PDE10A: variants seen among roughly 807,000 people sequenced by gnomAD.
PDE10A encodes the protein cAMP and cAMP-inhibited cGMP 3',5'-cyclic phosphodiesterase 10A.
In PDE10A, 39 loss-of-function variants were observed where a neutral mutation model predicts 97.7. That is an observed-to-expected ratio of 0.40 (90% CI 0.31 to 0.52). PDE10A has a LOEUF of 0.52. Ranked by LOEUF, PDE10A falls within the 20% of genes least tolerant of loss-of-function variation. PDE10A has a pLI of 0.56. For missense variants in PDE10A, 731 were observed against 1,047.8 expected (o/e 0.70, Z 4.17); for synonymous variants, 371 against 376.8 (o/e 0.98, Z 0.18).
intron 18 of PDE10A, among the ~76,000 whole-genome samples, chr6:165,364,884 A>G (rs1783666509): frequency 6.6e-6 from 1 of 152,160 alleles, no homozygotes; most frequent in South Asian, 2.1e-4. Flanking sequence ...CAAGGAAACA[A>G]AAGCAGAAAT....
chr6:165,440,545 T>C (rs952106083), intron 5 of PDE10A, among the ~76,000 whole-genome samples: 4 of 152,196 alleles, frequency 2.6e-5, no homozygotes, highest in Non-Finnish European at 5.9e-5. Context: ...AACTTTGGAA[T>C]GGGAGCCTAG....
intron 1 of PDE10A, among the ~76,000 whole-genome samples, chr6:165,640,432 G>C (rs1354159661): frequency 6.6e-6 from 1 of 152,126 alleles, no homozygotes; most frequent in Non-Finnish European, 1.5e-5. Context: ...TACTTTATCA[G>C]CAAGATTACA....
At chr6:165,636,788 T>A (rs1788899994) in intron 1 of PDE10A, among the ~76,000 whole-genome samples, 1 of 152,216 alleles carries the variant, frequency 6.6e-6, no homozygotes, top group Admixed American at 6.5e-5. Flanking sequence ...TTTGCTTGTG[T>A]CAGGCATCTT....
At chr6:165,659,864 C>T (rs1160062932) in intron 1 of PDE10A, among the ~76,000 whole-genome samples, 2 of 152,186 alleles carry the variant, frequency 1.3e-5, no homozygotes, top group Non-Finnish European at 2.9e-5. Context: ...ATCTTTCTTC[C>T]CCTCCACAAC....
chr6:165,967,548 T>C (rs1562332962), intron 1 of PDE10A, among the ~76,000 whole-genome samples: 1 of 152,218 alleles, frequency 6.6e-6, no homozygotes, highest in Non-Finnish European at 1.5e-5. Flanking sequence ...CATTCGTATC[T>C]ATGGTTTTTT....
rs186216955 is a variant in PDE10A at position 165,487,223 on chromosome 6, G to T, written c.995-4880C>A. 3.6e-3 allele frequency among the ~76,000 whole-genome samples: 550 copies of T among 152,292 alleles called. 5 individuals carry two copies. Among genetic ancestry groups the T allele is most frequent in the African/African-American group, 0.013 (520 of 41,562 alleles). On this transcript the variant is annotated intron_variant, in intron 2 of 21. Transcript: ENST00000539869. The stretch of plus-strand genomic sequence containing the variant: ...AGAATATCCTGAGGTTGCCACAAAA[G>T]CACTGAAAAGCCTGCTTCCGTGTCC...
At chr6:165,954,287 G>T (rs942567633) in intron 1 of PDE10A, among the ~76,000 whole-genome samples, 3 of 152,180 alleles carry the variant, frequency 2.0e-5, no homozygotes, top group African/African-American at 7.2e-5. Context: ...AGTAGATGGT[G>T]CTTCTGACAT....
In PDE10A at chr6:165,332,060, T is replaced by A. The variant is rs1781372781; in HGVS notation, c.*965A>T. 1 of 152,220 alleles carries A rather than the reference T, an allele frequency of 6.6e-6. No homozygotes were observed. Among genetic ancestry groups the A allele is most frequent in the African/African-American group, 2.4e-5 (1 of 41,462 alleles). The allele number at this position is 152,220 out of a possible 1,614,324, so 9.4% of individuals were successfully genotyped here. A position where few individuals can be genotyped will look rare whatever the true frequency, so the allele number is the denominator to read the frequency against. On this transcript the variant is annotated 3_prime_UTR_variant, in exon 22 of 22. Transcript: ENST00000539869. ...ACTGTATGGTATTTTAATTAAACAA[T>A]GTTTAAAATAAACTTTTCATTGTGA...
chr6:165,758,895 T>C (rs1243507314), intron 1 of PDE10A, among the ~76,000 whole-genome samples: 1 of 152,244 alleles, frequency 6.6e-6, no homozygotes, highest in African/African-American at 2.4e-5. Context: ...CTTCTCCTTA[T>C]CACATTGTGA....
At chr6:165,615,344 C>T (rs1466522597) in intron 1 of PDE10A, among the ~76,000 whole-genome samples, 1 of 152,068 alleles carries the variant, frequency 6.6e-6, no homozygotes, top group Admixed American at 6.5e-5. Flanking sequence ...TATGTACATC[C>T]TATCAATTTC....
intron 5 of PDE10A, among the ~76,000 whole-genome samples, chr6:165,438,653 T>C (rs1233705286): frequency 6.6e-6 from 1 of 152,218 alleles, no homozygotes; most frequent in Non-Finnish European, 1.5e-5. Flanking sequence ...AATCATGATT[T>C]ATTTTATAAG....
chr6:165,634,791 G>C (rs1788797197), intron 1 of PDE10A, among the ~76,000 whole-genome samples: 1 of 152,184 alleles, frequency 6.6e-6, no homozygotes, highest in Non-Finnish European at 1.5e-5. Context: ...GGTACTCCTG[G>C]TACTAAGACA....
At chr6:165,537,189 G>A (rs1783139213) in intron 2 of PDE10A, among the ~76,000 whole-genome samples, 1 of 151,972 alleles carries the variant, frequency 6.6e-6, no homozygotes, top group Non-Finnish European at 1.5e-5. Flanking sequence ...AGCACAGAAA[G>A]ACAAAAATTG....
chr6:165,679,604 C>T (rs1404937547), intron 1 of PDE10A, among the ~76,000 whole-genome samples: 6 of 152,172 alleles, frequency 3.9e-5, no homozygotes, highest in African/African-American at 1.4e-4. Context: ...CTCACAGTCC[C>T]CTTCAGGTCA....
chr6:165,904,925 T>C (rs1782219943), intron 1 of PDE10A, among the ~76,000 whole-genome samples: 1 of 152,236 alleles, frequency 6.6e-6, no homozygotes, highest in Non-Finnish European at 1.5e-5. Context: ...TACTAATTAA[T>C]AGATTTGAGT....
At chr6:165,892,031 C>G (rs2128482464) in intron 1 of PDE10A, among the ~76,000 whole-genome samples, 3 of 152,192 alleles carry the variant, frequency 2.0e-5, no homozygotes, top group African/African-American at 7.2e-5. Context: ...CGATTCTCCC[C>G]CCACTGACCG....
chr6:165,884,324 A>C (rs77849537), intron 1 of PDE10A, among the ~76,000 whole-genome samples: 3,936 of 152,296 alleles, frequency 0.026, 154 homozygotes, highest in African/African-American at 0.088. Flanking sequence ...TGATTGAATA[A>C]AAGCGTCTTT....
chr6:165,968,622 G>A (rs922374800), intron 1 of PDE10A, among the ~76,000 whole-genome samples: 3 of 152,166 alleles, frequency 2.0e-5, no homozygotes, highest in Non-Finnish European at 4.4e-5. Flanking sequence ...CCCTGACCAC[G>A]TGACATGGAA....
At chr6:165,630,494 A>C (rs1008061051) in intron 1 of PDE10A, among the ~76,000 whole-genome samples, 1 of 152,220 alleles carries the variant, frequency 6.6e-6, no homozygotes, top group African/African-American at 2.4e-5. Context: ...AACTGCAATT[A>C]TGTCAAAAAA....
Sources: allele counts gnomAD v4.1 joint callset (sites outside exome capture counted in the v4.1 genomes callset), GRCh38; gene constraint gnomAD v4.1.1; transcripts MANE v1.5; gene names NCBI Gene and HGNC (gene_info 2026-07-23, HGNC 2026-07-21).